Variants in RNF115 observed in about 807,000 individuals in gnomAD.
RNF115 encodes the protein ring finger protein 115, also known as E3 ubiquitin-protein ligase RNF115.
A neutral mutation model predicts 39.2 loss-of-function variants in RNF115; 31 were observed. That is an observed-to-expected ratio of 0.79 (90% CI 0.59 to 1.07). RNF115 has a LOEUF of 1.07. Among genes scored for constraint, RNF115 ranks in the 50% least tolerant of loss-of-function variants. The pLI, the probability that RNF115 is intolerant of heterozygous loss-of-function variation, is 0.00. For missense variants in RNF115, 384 were observed against 381.7 expected (o/e 1.01, Z -0.05); for synonymous variants, 124 against 131.0 (o/e 0.95, Z 0.37).
intron 1 of RNF115, among the ~76,000 whole-genome samples, chr1:145,789,476 G>C (rs1244512101): frequency 6.6e-6 from 1 of 151,290 alleles, no homozygotes; most frequent in Non-Finnish European, 1.5e-5. Flanking sequence ...TCGGCTCACG[G>C]CAACCTCCAC....
At chr1:145,753,428 G>C (rs191943978) in intron 4 of RNF115, among the ~76,000 whole-genome samples, 2 of 152,172 alleles carry the variant, frequency 1.3e-5, no homozygotes, top group Admixed American at 6.5e-5. Context: ...TTCCATTTTT[G>C]TATGTTGTAC....
At chr1:145,757,442 G>A (rs1658345192) in intron 4 of RNF115, among the ~76,000 whole-genome samples, 1 of 152,180 alleles carries the variant, frequency 6.6e-6, no homozygotes, top group Non-Finnish European at 1.5e-5. Flanking sequence ...GATACTCGAA[G>A]TTTTAAAAAG....
At chr1:145,776,385 A>C (rs1254359008) in intron 3 of RNF115, among the ~76,000 whole-genome samples, 7 of 150,926 alleles carry the variant, frequency 4.6e-5, no homozygotes, top group Non-Finnish European at 8.9e-5. Flanking sequence ...ACTGGTCTTG[A>C]ACTCCTGACC....
At chr1:145,758,548 C>T (rs1658384606) in intron 4 of RNF115, among the ~76,000 whole-genome samples, 1 of 152,138 alleles carries the variant, frequency 6.6e-6, no homozygotes, top group South Asian at 2.1e-4. Flanking sequence ...TGTTACACAG[C>T]AATAGGTAAC....
At chr1:145,772,869 T>C (rs1276284734) in intron 3 of RNF115, 1 of 152,206 alleles carries the variant, frequency 6.6e-6, no homozygotes, top group Admixed American at 6.5e-5. Flanking sequence ...CCCACACATC[T>C]CCTGGACTCT....
chr1:145,786,036 C>G (rs1553718053), intron 2 of RNF115, among the ~76,000 whole-genome samples: 1 of 152,178 alleles, frequency 6.6e-6, no homozygotes, highest in Non-Finnish European at 1.5e-5. Flanking sequence ...TACACAGTTT[C>G]AGGGATTCAA....
intron 2 of RNF115, among the ~76,000 whole-genome samples, chr1:145,784,987 C>CAATAGTT (rs1553717951): frequency 6.6e-6 from 1 of 152,120 alleles, no homozygotes; most frequent in African/African-American, 2.4e-5. Context: ...TTTGAGGCTA[C>CAATAGTT]AATAGTTAAT....
At chr1:145,781,744 A>G (rs1277249178) in intron 3 of RNF115, among the ~76,000 whole-genome samples, 1 of 152,166 alleles carries the variant, frequency 6.6e-6, no homozygotes, top group Non-Finnish European at 1.5e-5. Context: ...AGTGGCAGAC[A>G]CAGGATTTGA....
At chr1:145,762,499 T>G (rs1403333178) in intron 4 of RNF115, among the ~76,000 whole-genome samples, 1 of 152,122 alleles carries the variant, frequency 6.6e-6, no homozygotes, top group Non-Finnish European at 1.5e-5. Flanking sequence ...ATACAATCTA[T>G]TAAGATAAAA....
At chr1:145,805,703 G>A (rs587755057) in intron 1 of RNF115, among the ~76,000 whole-genome samples, 21 of 152,172 alleles carry the variant, frequency 1.4e-4, no homozygotes, top group African/African-American at 5.1e-4. Context: ...AAAAACTACA[G>A]AAGAAAATTC....
chr1:145,785,198 A>T (rs900027484), intron 2 of RNF115, among the ~76,000 whole-genome samples: 3 of 152,122 alleles, frequency 2.0e-5, no homozygotes, highest in Admixed American at 6.6e-5. Context: ...CTTTGATTCT[A>T]AAACCTACCT....
At chr1:145,761,900 G>A (rs1360266444) in intron 4 of RNF115, among the ~76,000 whole-genome samples, 9 of 152,188 alleles carry the variant, frequency 5.9e-5, no homozygotes, top group African/African-American at 2.2e-4. Flanking sequence ...CTACAGGGGT[G>A]GAGCTGCCCA....
At chr1:145,787,853 C>T (rs1648461850) in intron 2 of RNF115, among the ~76,000 whole-genome samples, 1 of 151,516 alleles carries the variant, frequency 6.6e-6, no homozygotes, top group African/African-American at 2.4e-5. Context: ...CGAACCACTG[C>T]ACTCCAATCT....
chr1:145,771,859 T>C lies in RNF115; in HGVS notation c.280A>G (p.Ser94Gly), dbSNP rs1409178793. The C allele has an allele frequency of 6.2e-7, 1 of 1,614,048 alleles. No homozygotes were observed. Among genetic ancestry groups the C allele is most frequent in the Non-Finnish European group, 8.5e-7 (1 of 1,180,010 alleles). Residue 94 changes from serine (S) to glycine (G), a missense_variant, in exon 4 of 9, where the codon AGT (serine) becomes GGT (glycine). Physicochemically the swap from Ser to Gly is moderately conservative, Grantham distance 56. Transcript: ENST00000582693. ...FQDFRPFLSS[S>G]PLDQDNRANE... ...GCTCTATTATCTTGGTCCAGTGGAC[T>C]GCTACTTAGAAAGGGTCTAAAATCT...
intron 1 of RNF115, among the ~76,000 whole-genome samples, chr1:145,805,275 T>G (rs587725243): frequency 2.0e-5 from 3 of 152,328 alleles, no homozygotes; most frequent in East Asian, 3.9e-4. Context: ...ACAAACTGGT[T>G]GTTAACAGTA....
intron 1 of RNF115, among the ~76,000 whole-genome samples, chr1:145,792,910 T>G (rs994698619): frequency 3.9e-5 from 6 of 152,206 alleles, no homozygotes; most frequent in Non-Finnish European, 7.3e-5. Flanking sequence ...ATGGGCATAC[T>G]GTAAACTACT....
chr1:145,797,313 C>T lies in RNF115; in HGVS notation c.103-8347G>A, dbSNP rs776366631. Among the ~76,000 whole-genome samples the T allele has an allele frequency of 1.4e-3, 208 of 152,278 alleles. 5 individuals are homozygous for T. Among genetic ancestry groups the T allele is most frequent in the Non-Finnish European group, 1.6e-3 (109 of 68,008 alleles). ...AACCTCCTTCTCTGGCAAAACTCAT[C>T]GTCTCAGCAACTGGCTTTCTGTGCA... On this transcript the variant is annotated intron_variant, in intron 1 of 8. Coordinates refer to ENST00000582693, the MANE Select transcript of RNF115 (RefSeq NM_014455.4).
At chr1:145,808,232 G>A (rs1361777124) in intron 1 of RNF115, among the ~76,000 whole-genome samples, 1 of 152,076 alleles carries the variant, frequency 6.6e-6, no homozygotes, top group African/African-American at 2.4e-5. Flanking sequence ...TGGATTGTAT[G>A]GTAGTTTTCA....
intron 1 of RNF115, among the ~76,000 whole-genome samples, chr1:145,794,011 T>C (rs1313894727): frequency 1.3e-5 from 2 of 152,052 alleles, no homozygotes; most frequent in Non-Finnish European, 2.9e-5. Context: ...ACCCGGCTAA[T>C]TTTTGTATTT....
Sources: gnomAD v4.1 joint callset for allele counts (sites outside exome capture counted in the v4.1 genomes callset) on GRCh38, gnomAD v4.1.1 for gene constraint, MANE v1.5 for transcripts, NCBI Gene and HGNC (gene_info 2026-07-23, HGNC 2026-07-21) for gene names.